Variants in GOT2 observed in about 807,000 individuals in gnomAD.
GOT2 encodes the protein aspartate aminotransferase, mitochondrial.
Under a neutral mutation model 50.0 loss-of-function variants are expected in GOT2, and 17 were observed. The ratio of observed to expected loss-of-function variants is 0.34; its 90% CI spans 0.23 to 0.51. GOT2 has a LOEUF of 0.51. Among genes scored for constraint, GOT2 ranks in the 20% least tolerant of loss-of-function variants. The pLI, the probability that GOT2 is intolerant of heterozygous loss-of-function variation, is 0.97. For synonymous variants in GOT2, 172 were observed against 204.9 expected (o/e 0.84, Z 1.37); for missense variants, 430 against 559.6 (o/e 0.77, Z 2.34).
chr16:58,722,304 G>T lies in GOT2; in HGVS notation c.247-26C>A, dbSNP rs948261252. On this transcript the variant is annotated intron_variant, in intron 2 of 9. Coordinates refer to ENST00000245206, the MANE Select transcript of GOT2 (RefSeq NM_002080.4). ...CTAGACAAGAGAAAATACATCCATT[G>T]AATTTCTTCTCCTTACTTGGAATTA... is the stretch of plus-strand genomic sequence containing the variant. 5 of 1,607,920 alleles carry T rather than the reference G, an allele frequency of 3.1e-6. No homozygotes were observed. The Admixed American group carries it at 6.7e-5, about 21-fold the overall frequency.
In GOT2 at chr16:58,718,373, C is replaced by A. The variant is rs939276992; in HGVS notation, c.598-73G>T. On this transcript the variant is annotated intron_variant, in intron 5 of 9. Transcript: ENST00000245206. ...TGGTTTATCTGAAATGCCACAGGATCGTCATCATTTGATAAGTAACAAAGG... is the reference window on the plus strand; with the variant it reads ...TGGTTTATCTGAAATGCCACAGGATAGTCATCATTTGATAAGTAACAAAGG... 3.6e-6 allele frequency: 5 copies of A among 1,396,036 alleles called. No individual in the cohort carries two copies. The African/African-American group carries it at 4.3e-5, about 12-fold the overall frequency. 86.5% of individuals were successfully genotyped at this position (1,396,036 alleles called of 1,614,324 possible).
intron 3 of GOT2, among the ~76,000 whole-genome samples, chr16:58,719,976 C>T (rs148501445): frequency 4.0e-5 from 6 of 151,280 alleles, no homozygotes; most frequent in African/African-American, 1.2e-4. Context: ...CCGAGGTGGA[C>T]GTATCACCTG....
intron 3 of GOT2, among the ~76,000 whole-genome samples, 185 bp from the exon 4 acceptor site, chr16:58,719,440 G>A (rs1597701623): frequency 6.6e-6 from 1 of 152,182 alleles, no homozygotes; most frequent in African/African-American, 2.4e-5. Context: ...ATGAAAAAGG[G>A]GTGAATTATA....
chr16:58,714,362 C>A (rs1365637905), intron 8 of GOT2, among the ~76,000 whole-genome samples: 3 of 151,972 alleles, frequency 2.0e-5, no homozygotes. Flanking sequence ...AACAGCCTGG[C>A]CAACATGGCG....
At chr16:58,730,707 T>C (rs1431487893) in intron 1 of GOT2, among the ~76,000 whole-genome samples, 1 of 152,164 alleles carries the variant, frequency 6.6e-6, no homozygotes, top group African/African-American at 2.4e-5. Flanking sequence ...TTAGTAACCA[T>C]CTTTCAACTC....
At chr16:58,719,857 G>T (rs10500407) in intron 3 of GOT2, among the ~76,000 whole-genome samples, 3 of 152,062 alleles carry the variant, frequency 2.0e-5, no homozygotes, top group Non-Finnish European at 4.4e-5. Context: ...AAACATCAAA[G>T]TTCCTTGAAA....
chr16:58,723,694 GCT>G, intron 2 of GOT2, 50 bp downstream of exon 2: 1 of 1,465,864 alleles, frequency 6.8e-7, no homozygotes, highest in Non-Finnish European at 9.5e-7. Flanking sequence ...ACTCTCCAGG[GCT>G]CTCTTCAGTT....
Position 58,734,295 on chromosome 16 carries a change from G to T in GOT2, c.-67C>A. The T allele has an allele frequency of 1.2e-6, 1 of 859,128 alleles. No individual in the cohort carries two copies. The highest frequency in any genetic ancestry group is 3.2e-5 in the East Asian group (1 of 30,890). The allele number at this position is 859,128 out of a possible 1,614,324, so 53.2% of individuals were successfully genotyped here. ...AGAGGGCGAGCGGACACACACACAG[G>T]GAACCGGCTCCTGCTGAAGGTAAGG... On this transcript the variant is annotated 5_prime_UTR_variant, in exon 1 of 10. Coordinates refer to ENST00000245206, the MANE Select transcript of GOT2 (RefSeq NM_002080.4).
chr16:58,707,221 A>G lies in GOT2; in HGVS notation c.*950T>C, dbSNP rs2044610661. ...AGATGGTGGTTCTTTCCAGTGGGTG[A>G]AGCCTGAACCCAGCTAGCAGCACGC... On this transcript the variant is annotated 3_prime_UTR_variant, in exon 10 of 10. Coordinates refer to ENST00000245206, the MANE Select transcript of GOT2 (RefSeq NM_002080.4). The G allele has an allele frequency of 6.6e-6, 1 of 152,226 alleles. No individual in the cohort carries two copies. Among genetic ancestry groups the G allele is most frequent in the African/African-American group, 2.4e-5 (1 of 41,460 alleles). The allele number at this position is 152,226 out of a possible 1,614,324, so 9.4% of individuals were successfully genotyped here.
chr16:58,716,636 T>G, intron 7 of GOT2, 27 bp downstream of exon 7: 1 of 1,602,852 alleles, frequency 6.2e-7, no homozygotes, highest in Non-Finnish European at 8.5e-7. Flanking sequence ...CATGAGAGCA[T>G]GTGTCATGCT....
intron 1 of GOT2, among the ~76,000 whole-genome samples, chr16:58,730,414 T>C (rs2044825464): frequency 6.6e-6 from 1 of 151,576 alleles, no homozygotes; most frequent in African/African-American, 2.4e-5. Context: ...AGACAGGGTC[T>C]CACTCTGTCA....
chr16:58,731,061 T>A (rs1390864747), intron 1 of GOT2, among the ~76,000 whole-genome samples: 1 of 140,342 alleles, frequency 7.1e-6, no homozygotes, highest in Non-Finnish European at 1.5e-5. Context: ...TTCTTCTTAC[T>A]TTAAAATCAG....
intron 8 of GOT2, among the ~76,000 whole-genome samples, chr16:58,714,676 ACTCTAGC>A (rs1368762827): frequency 6.6e-6 from 1 of 152,040 alleles, no homozygotes; most frequent in Non-Finnish European, 1.5e-5. Flanking sequence ...GTGCCACTGC[ACTCTAGC>A]CTGGGTGACA....
intron 7 of GOT2, 35 bp downstream of exon 7, chr16:58,716,628 T>C: frequency 6.3e-7 from 1 of 1,594,104 alleles, no homozygotes; most frequent in South Asian, 1.1e-5. Context: ...TCTCCCAGCA[T>C]GAGAGCATGT....
At chr16:58,729,771 G>A (rs1325544162) in intron 1 of GOT2, among the ~76,000 whole-genome samples, 2 of 150,976 alleles carry the variant, frequency 1.3e-5, no homozygotes, top group South Asian at 2.1e-4. Flanking sequence ...TGTTTTTATC[G>A]CTATGTTTGC....
rs7202491 is a variant in GOT2, at chr16:58,707,946, C to A, written c.*225G>T. On this transcript the variant is annotated 3_prime_UTR_variant, in exon 10 of 10. Coordinates refer to ENST00000245206, the MANE Select transcript of GOT2 (RefSeq NM_002080.4). ...TGAGAAAAGTTGGAGAAAAAAGGAC[C>A]GGGGAGAGTTTGGTTTAATATTCCA... 13,428 of 359,422 alleles carry A rather than the reference C, an allele frequency of 0.037. 655 individuals are homozygous for A. The highest frequency in any genetic ancestry group is 0.16 in the African/African-American group (7,527 of 47,446). 22.3% of individuals were successfully genotyped at this position (359,422 alleles called of 1,614,324 possible).
chr16:58,734,010 A>C, intron 1 of GOT2, 130 bp downstream of exon 1: 1 of 352,694 alleles, frequency 2.8e-6, no homozygotes, highest in South Asian at 1.6e-4. Flanking sequence ...GGGTGGCAGA[A>C]AAGTGTGTGT....
intron 8 of GOT2, among the ~76,000 whole-genome samples, chr16:58,712,546 C>G (rs547172720): frequency 2.6e-4 from 40 of 151,510 alleles, no homozygotes; most frequent in South Asian, 2.1e-3. Flanking sequence ...ACAACAACAA[C>G]AAGAACAAGA....
chr16:58,708,362 A>T, intron 9 of GOT2, 69 bp from the exon 10 acceptor site: 1 of 1,475,862 alleles, frequency 6.8e-7, no homozygotes, highest in Non-Finnish European at 9.3e-7. Flanking sequence ...GACATGGCAC[A>T]GTAGCCAACT....
Sources: allele counts gnomAD v4.1 joint callset (sites outside exome capture counted in the v4.1 genomes callset), GRCh38; gene constraint gnomAD v4.1.1; transcripts MANE v1.5; gene names NCBI Gene and HGNC (gene_info 2026-07-23, HGNC 2026-07-21).